The following GAD1 variants were observed in gnomAD, a reference collection of about 807,000 sequenced individuals.
GAD1 encodes glutamate decarboxylase 1.
GAD1 carries 35 observed loss-of-function variants against 75.2 expected under a neutral mutation model. That is an observed-to-expected ratio of 0.47 (90% CI 0.36 to 0.62). The LOEUF (loss-of-function observed/expected upper bound fraction) is 0.62. Among genes scored for constraint, GAD1 ranks in the 20% least tolerant of loss-of-function variants. The pLI is 0.00. For synonymous variants in GAD1, 257 were observed against 271.9 expected, an observed-to-expected ratio of 0.95 and a Z score of 0.54; for missense variants, 490 against 758.5, an observed-to-expected ratio of 0.65 and a Z score of 4.16.
At chr2:170,836,305 A>G (rs1211586948) in intron 5 of GAD1, among the ~76,000 whole-genome samples, 2 of 152,172 alleles carry the variant, frequency 1.3e-5, no homozygotes, top group African/African-American at 4.8e-5. Context: ...CTTGGCAACA[A>G]TCCTGAATTT....
At position 170,860,565 on chromosome 2, in the gene GAD1, G is replaced by A. The variant is rs1312069488; in HGVS notation, c.*683G>A. The A allele has an allele frequency of 6.5e-6, 1 of 152,680 alleles. No individual in the cohort carries two copies. The highest frequency in any genetic ancestry group is 2.4e-5 in the African/African-American group (1 of 41,410). The allele number at this position is 152,680 out of a possible 1,614,324, so 9.5% of individuals were successfully genotyped here. On this transcript the variant is annotated 3_prime_UTR_variant, in exon 17 of 17. Coordinates refer to ENST00000358196, the MANE Select transcript of GAD1 (RefSeq NM_000817.3). The stretch of plus-strand genomic sequence containing the variant: ...TGATTTCAATGATTGTTTAATTGTA[G>A]GTCAATGAAATATTTGCTTATTTAT...
In GAD1 at chr2:170,859,743, C is replaced by T. The variant is rs1239153271; in HGVS notation, c.1646C>T (p.Ser549Leu). Residue 549 changes from serine to leucine, a missense_variant, in exon 17 of 17, where the codon TCA becomes TTA. Ser to Leu is a moderately radical substitution (Grantham distance 145). This residue lies in a region of GAD1 where 324 missense variants were observed against 523.9 expected (regional missense o/e 0.62). Transcript: ENST00000358196. Reference protein sequence around the residue: ...APKIKALMMESGTTMVGYQPQ... With the variant: ...APKIKALMMELGTTMVGYQPQ... ...AAAATCAAAGCCCTGATGATGGAGT[C>T]AGGTACGACCATGGTTGGCTACCAG... The T allele has an allele frequency of 6.2e-7, 1 of 1,614,194 alleles. No individual in the cohort carries two copies. The highest frequency in any genetic ancestry group is 8.5e-7 in the Non-Finnish European group (1 of 1,180,036).
In GAD1 at chr2:170,831,110, C is replaced by T; in HGVS notation, c.465C>T (p.Asn155=). 2.5e-6 allele frequency: 4 copies of T among 1,614,204 alleles called. No individual in the cohort carries two copies. The highest frequency in any genetic ancestry group is 3.4e-6 in the Non-Finnish European group (4 of 1,180,032). Residue 155 remains asparagine, a synonymous_variant, in exon 5 of 17, where the codon AAC becomes AAT. Transcript: ENST00000358196. ...HQLLEGMEGF[N]LELSDHPESL... ...TGCTGGAAGGCATGGAGGGCTTCAA[C>T]TTGGAGCTCTCTGACCACCCCGAGT...
At chr2:170,840,961 C>T (rs1332362693) in intron 6 of GAD1, among the ~76,000 whole-genome samples, 1 of 152,178 alleles carries the variant, frequency 6.6e-6, no homozygotes, top group Non-Finnish European at 1.5e-5. Flanking sequence ...TGAGTGAACT[C>T]CTCCGGGAAG....
chr2:170,825,383 T>C (rs1274420194), intron 3 of GAD1, among the ~76,000 whole-genome samples: 1 of 152,168 alleles, frequency 6.6e-6, no homozygotes, highest in Non-Finnish European at 1.5e-5. Context: ...CAATACAGTA[T>C]GACCCTGTCT....
chr2:170,841,127 T>C (rs1702507203), intron 6 of GAD1, among the ~76,000 whole-genome samples: 1 of 152,226 alleles, frequency 6.6e-6, no homozygotes, highest in Non-Finnish European at 1.5e-5. Flanking sequence ...ACCCAGAGCT[T>C]CTGGCAGGTT....
intron 12 of GAD1, among the ~76,000 whole-genome samples, chr2:170,852,222 G>T (rs1367031355): frequency 6.6e-6 from 1 of 152,158 alleles, no homozygotes; most frequent in Non-Finnish European, 1.5e-5. Context: ...ACCTTATAGG[G>T]TTGTGGTAAG....
chr2:170,858,816 A>G lies in GAD1; in HGVS notation c.1534A>G (p.Asn512Asp), dbSNP rs1281548620. 6.2e-7 allele frequency: 1 copy of G among 1,614,180 alleles called. No individual in the cohort carries two copies. The highest frequency in any genetic ancestry group is 8.5e-7 in the Non-Finnish European group (1 of 1,180,000). The change falls in exon 16 of 17, where the codon AAC (asparagine) becomes GAC (aspartate). Residue 512 changes from asparagine (N) to aspartate (D), a missense_variant. By Grantham distance (23) the Asn-to-Asp change is conservative (BLOSUM62 1). Around this residue, in one of 3 missense-constraint regions of GAD1, gnomAD observed 324 missense variants for 523.9 expected, o/e 0.62. Coordinates refer to ENST00000358196, the MANE Select transcript of GAD1 (RefSeq NM_000817.3). ...MVFNGEPEHT[N>D]VCFWYIPQSL... Reference sequence around the variant, plus strand: ...AAAATCTCTGCAGCCTGAGCACACAAACGTCTGTTTTTGGTATATTCCACA... The same window carrying G: ...AAAATCTCTGCAGCCTGAGCACACAGACGTCTGTTTTTGGTATATTCCACA...
chr2:170,830,868 A>C, intron 4 of GAD1, 82 bp from the exon 5 acceptor site: 1 of 1,560,070 alleles, frequency 6.4e-7, no homozygotes, highest in Non-Finnish European at 8.8e-7. Context: ...TACAGATAGC[A>C]TGGTTAATAT....
intron 12 of GAD1, chr2:170,852,418 A>C: frequency 2.3e-6 from 1 of 428,972 alleles, no homozygotes. Context: ...CAAAGCCTGA[A>C]TTCTTAACCA....
At chr2:170,816,201 G>T (rs1701694400), upstream of GAD1, 1 of 152,424 alleles carries the variant, frequency 6.6e-6, no homozygotes, top group Admixed American at 6.5e-5. Context: ...CGAGCGCATA[G>T]CAAAAGGGAC....
At chr2:170,856,937 A>G (rs970733678) in intron 14 of GAD1, 81 bp from the exon 15 acceptor site, 7 of 1,091,732 alleles carry the variant, frequency 6.4e-6, no homozygotes, top group African/African-American at 1.5e-5. Context: ...TTTATTTCCC[A>G]TAGACAGGGA....
At position 170,818,104 on chromosome 2, in the gene GAD1, C is replaced by T. The variant is rs553998995; in HGVS notation, c.-63-425C>T. On this transcript the variant is annotated intron_variant, in intron 1 of 16. Coordinates refer to ENST00000358196, the MANE Select transcript of GAD1 (RefSeq NM_000817.3). The surrounding 1 kb of genome is among the most constrained non-coding windows in gnomAD (Gnocchi z 5.9). ...TGCGCCCTCCCCCCGCTGGCCCACA[C>T]GCCGGCTGCTGAGTGCCCAATGGGG... is the stretch of plus-strand genomic sequence containing the variant. 8 of 167,312 alleles carry T rather than the reference C, an allele frequency of 4.8e-5. No individual in the cohort carries two copies. The South Asian group carries it at 1.3e-3, about 26-fold the overall frequency. 10.4% of individuals were successfully genotyped at this position (167,312 alleles called of 1,614,324 possible).
At position 170,853,906 on chromosome 2, in the gene GAD1, GGATACCTCTTC is replaced by G; in HGVS notation, c.1298_1308del (p.Gly433AlafsTer7). 1.2e-6 allele frequency: 2 copies of G among 1,614,158 alleles called. No individual in the cohort carries two copies. The highest frequency in any genetic ancestry group is 1.7e-6 in the Non-Finnish European group (2 of 1,180,044). On this transcript the variant is annotated frameshift_variant, in exon 14 of 17. Coordinates refer to ENST00000358196, the MANE Select transcript of GAD1 (RefSeq NM_000817.3). LOFTEE classifies it high-confidence loss of function. This position sits in a 1 kb window ranked among gnomAD's most constrained non-coding sequence, Gnocchi z 4.1. ...CCAAGGATGCAACCAGATGTGTGCAGGATACCTCTTCCAGCCAGACAAGCAGTATGATGTCT... is the reference window on the plus strand; with the variant it reads ...CCAAGGATGCAACCAGATGTGTGCAGCAGCCAGACAAGCAGTATGATGTCT...
At chr2:170,842,885 A>C in intron 6 of GAD1, 78 of 621,758 alleles carry the variant, frequency 1.3e-4, no homozygotes, top group Non-Finnish European at 1.6e-4. Context: ...TAGTTATCTC[A>C]TCCTTACAAA....
intron 3 of GAD1, 81 bp downstream of exon 3, chr2:170,822,230 G>A (rs1302925804): frequency 6.0e-6 from 7 of 1,169,370 alleles, no homozygotes; most frequent in Non-Finnish European, 6.3e-6. Context: ...GGACGCAAGC[G>A]GAGGGGGATC....
Position 170,856,055 on chromosome 2 carries a change from A to G in GAD1, c.1414-963A>G, listed in dbSNP as rs7594314. Among the ~76,000 whole-genome samples the G allele has an allele frequency of 5.2e-3, 788 of 152,234 alleles. 10 individuals carry two copies. Among genetic ancestry groups the G allele is most frequent in the African/African-American group, 0.018 (732 of 41,540 alleles). On this transcript the variant is annotated intron_variant, in intron 14 of 16. Transcript: ENST00000358196. The stretch of plus-strand genomic sequence containing the variant: ...CATAGTGATTGGTTGCTGAAATGGG[A>G]CCCTGGTACAGGCTTCATTCCTAAG...
chr2:170,818,676 A>G lies in GAD1; in HGVS notation c.82+3A>G, dbSNP rs1312220363. 6.2e-7 allele frequency: 1 copy of G among 1,613,914 alleles called. No homozygotes were observed. ...TACCACTAACCTGCGCCCCACAAGT[A>G]GGTCCCGCCCCAATTTTCTATCAAA... On this transcript the variant is annotated splice_donor_region_variant and intron_variant, in intron 2 of 16. Coordinates refer to ENST00000358196, the MANE Select transcript of GAD1 (RefSeq NM_000817.3). This position sits in a 1 kb window ranked among gnomAD's most constrained non-coding sequence, Gnocchi z 5.9.
chr2:170,818,431 G>GA lies in GAD1; in HGVS notation c.-63-97dup. The GA allele has an allele frequency of 1.4e-6, 1 of 721,218 alleles. No individual in the cohort carries two copies. The highest frequency in any genetic ancestry group is 2.5e-6 in the Non-Finnish European group (1 of 395,018). The allele number at this position is 721,218 out of a possible 1,614,324, so 44.7% of individuals were successfully genotyped here. On this transcript the variant is annotated intron_variant, in intron 1 of 16. Transcript: ENST00000358196. The surrounding 1 kb of genome is among the most constrained non-coding windows in gnomAD (Gnocchi z 5.9). ...CCTCCCTCTTGTCTCTCCAGAGCCGGATCTTCAAGGGGAGCCTCCGTGCCC... is the reference window on the plus strand; with the variant it reads ...CCTCCCTCTTGTCTCTCCAGAGCCGGAATCTTCAAGGGGAGCCTCCGTGCCC...
Sources: allele counts gnomAD v4.1 joint callset (sites outside exome capture counted in the v4.1 genomes callset), GRCh38; gene constraint gnomAD v4.1.1; regional missense constraint gnomAD v4.1.1; non-coding constraint Gnocchi (gnomAD v3.1); transcripts MANE v1.5; gene names NCBI Gene and HGNC (gene_info 2026-07-23, HGNC 2026-07-21).